The following TMCO1 variants were observed in gnomAD, a reference collection of about 807,000 sequenced individuals.
TMCO1 encodes transmembrane and coiled-coil domains 1, also known as calcium load-activated calcium channel.
TMCO1 carries 29 observed loss-of-function variants against 29.3 expected under a neutral mutation model. The ratio of observed to expected loss-of-function variants is 0.99; its 90% CI spans 0.74 to 1.35. The LOEUF (loss-of-function observed/expected upper bound fraction) is 1.35. Among genes scored for constraint, TMCO1 ranks in the 40% most tolerant of loss-of-function variants. The probability of loss-of-function intolerance (pLI) is 0.00; values close to 1 mark genes in which losing one functional copy is unlikely to be tolerated. For missense variants in TMCO1, 173 were observed against 225.5 expected (o/e 0.77, Z 1.49); for synonymous variants, 80 against 77.1 (o/e 1.04, Z -0.20).
At chr1:165,747,227 C>G (rs776513219) in intron 5 of TMCO1, among the ~76,000 whole-genome samples, 56 of 136,492 alleles carry the variant, frequency 4.1e-4, no homozygotes, top group Non-Finnish European at 7.1e-4. Context: ...TGCCACTGCA[C>G]TCTAGCCTGG....
At chr1:165,760,257 G>A (rs1057496251) in intron 2 of TMCO1, among the ~76,000 whole-genome samples, 2 of 151,650 alleles carry the variant, frequency 1.3e-5, no homozygotes, top group East Asian at 1.9e-4. Context: ...GTGAAACCCC[G>A]TCTCTACTAA....
At chr1:165,725,699 G>C (rs778234674), downstream of TMCO1, 3 of 453,994 alleles carry the variant, frequency 6.6e-6, no homozygotes, top group South Asian at 3.1e-5. Context: ...CAAATAACTA[G>C]TCTTGAAATT....
At chr1:165,763,162 T>A (rs1180821470) in intron 2 of TMCO1, among the ~76,000 whole-genome samples, 2 of 152,210 alleles carry the variant, frequency 1.3e-5, no homozygotes, top group Non-Finnish European at 2.9e-5. Flanking sequence ...TTGATATTCT[T>A]CAAAAACCCT....
Position 165,727,176 on chromosome 1 carries a change from A to G in TMCO1, c.*847T>C, listed in dbSNP as rs1202021279. Reference sequence around the variant, plus strand: ...GGAAGCTCTGCGAGATTAACAACATATAACTATAACCTTGTCTCCAAGGGA... The same window carrying G: ...GGAAGCTCTGCGAGATTAACAACATGTAACTATAACCTTGTCTCCAAGGGA... On this transcript the variant is annotated 3_prime_UTR_variant, in exon 7 of 7. Transcript: ENST00000367881. The G allele has an allele frequency of 8.8e-6, 4 of 454,004 alleles. No individual in the cohort carries two copies. Among genetic ancestry groups the G allele is most frequent in the Middle Eastern group, 6.8e-4 (1 of 1,466 alleles). 28.1% of individuals were successfully genotyped at this position (454,004 alleles called of 1,614,324 possible).
chr1:165,765,325 C>A (rs1652529203), intron 2 of TMCO1, among the ~76,000 whole-genome samples: 1 of 152,128 alleles, frequency 6.6e-6, no homozygotes, highest in Admixed American at 6.6e-5. Context: ...GCACTGTTGG[C>A]CAAGCTGGAG....
At position 165,743,149 on chromosome 1, in the gene TMCO1, G is replaced by A; in HGVS notation, c.468+18C>T. 6.2e-7 allele frequency: 1 copy of A among 1,613,504 alleles called. No individual in the cohort carries two copies. Among genetic ancestry groups the A allele is most frequent in the African/African-American group, 1.3e-5 (1 of 75,006 alleles). On this transcript the variant is annotated intron_variant, in intron 6 of 6. Transcript: ENST00000367881. Reference sequence around the variant, plus strand: ...CAAGGAAAAATATACATATTAAATGGTAGATGTGATCACTCACCTGTCGAA... The same window carrying A: ...CAAGGAAAAATATACATATTAAATGATAGATGTGATCACTCACCTGTCGAA...
rs1184954739 is a variant in TMCO1, at chr1:165,727,312, T to C, written c.*711A>G. 3 of 452,778 alleles carry C rather than the reference T, an allele frequency of 6.6e-6. No homozygotes were observed. In the East Asian group the frequency reaches 2.1e-4, roughly 32 times the overall value. The allele number at this position is 452,778 out of a possible 1,614,324, so 28.0% of individuals were successfully genotyped here. A position where few individuals can be genotyped will look rare whatever the true frequency, so the allele number is the denominator to read the frequency against. On this transcript the variant is annotated 3_prime_UTR_variant, in exon 7 of 7. Coordinates refer to ENST00000367881, the MANE Select transcript of TMCO1 (RefSeq NM_019026.6). ...TTTATATTTAATTTTTTTTCAGACA[T>C]CAGTGTTACTTGCCAAGACCCTCAT... is the stretch of plus-strand genomic sequence containing the variant.
Position 165,727,361 on chromosome 1 carries a change from C to A in TMCO1, c.*662G>T. ...ATTTTTAAACTCCAACGAGTTATTA[C>A]GTTCCTTTCCACTCTTGCTTTCCAA... On this transcript the variant is annotated 3_prime_UTR_variant, in exon 7 of 7. Transcript: ENST00000367881. 1 of 453,900 alleles carries A rather than the reference C, an allele frequency of 2.2e-6. No individual in the cohort carries two copies. Among genetic ancestry groups the A allele is most frequent in the Non-Finnish European group, 4.4e-6 (1 of 226,746 alleles). 28.1% of individuals were successfully genotyped at this position (453,900 alleles called of 1,614,324 possible).
chr1:165,748,547 G>C (rs1464261838), intron 5 of TMCO1, among the ~76,000 whole-genome samples: 1 of 152,122 alleles, frequency 6.6e-6, no homozygotes, highest in Non-Finnish European at 1.5e-5. Flanking sequence ...ATTTGGGACA[G>C]GACAGATATG....
intron 6 of TMCO1, among the ~76,000 whole-genome samples, chr1:165,732,898 G>A (rs930876994): frequency 2.6e-5 from 4 of 151,984 alleles, no homozygotes; most frequent in Admixed American, 1.3e-4. Context: ...TTGAAATACT[G>A]CTAAATGGAA....
intron 3 of TMCO1, among the ~76,000 whole-genome samples, chr1:165,758,449 G>C (rs781420828): frequency 2.0e-5 from 3 of 151,848 alleles, no homozygotes; most frequent in Non-Finnish European, 4.4e-5. Context: ...CCACCTACTC[G>C]TGAGGCTGAG....
chr1:165,738,711 G>C (rs1571214555), intron 6 of TMCO1, among the ~76,000 whole-genome samples: 1 of 152,266 alleles, frequency 6.6e-6, no homozygotes, highest in East Asian at 1.9e-4. Context: ...AAAGTATAAA[G>C]GTAGGTGACT....
At chr1:165,724,414 C>G (rs1650767353), downstream of TMCO1, 1 of 454,042 alleles carries the variant, frequency 2.2e-6, no homozygotes, top group Non-Finnish European at 4.4e-6. Flanking sequence ...AAGAAAAACT[C>G]TACAAGGTAA....
intron 5 of TMCO1, among the ~76,000 whole-genome samples, chr1:165,751,700 G>A (rs570719415): frequency 8.0e-5 from 12 of 149,442 alleles, no homozygotes; most frequent in Middle Eastern, 3.4e-3. Flanking sequence ...GCAAGACTCC[G>A]TCTCAAAAAA....
At chr1:165,744,527 C>T (rs1271550066) in intron 5 of TMCO1, among the ~76,000 whole-genome samples, 1 of 152,070 alleles carries the variant, frequency 6.6e-6, no homozygotes, top group Non-Finnish European at 1.5e-5. Flanking sequence ...CACGGTGGCT[C>T]ACACCTGTAA....
chr1:165,731,290 G>C (rs568374959), intron 6 of TMCO1, among the ~76,000 whole-genome samples: 68 of 152,296 alleles, frequency 4.5e-4, no homozygotes, highest in African/African-American at 1.5e-3. Flanking sequence ...GATGTCACTA[G>C]TTTGCAATTT....
intron 1 of TMCO1, 49 bp downstream of exon 1, chr1:165,768,633 C>T: frequency 6.2e-7 from 1 of 1,613,692 alleles, no homozygotes; most frequent in Non-Finnish European, 8.5e-7. Flanking sequence ...GACCCCGGGG[C>T]CCTTCCTCCC....
At chr1:165,750,552 A>AG (rs1651956807) in intron 5 of TMCO1, among the ~76,000 whole-genome samples, 1 of 148,962 alleles carries the variant, frequency 6.7e-6, no homozygotes, top group Non-Finnish European at 1.5e-5. Flanking sequence ...AAAAAAAAAA[A>AG]GAAAAAAAAA....
downstream of TMCO1, chr1:165,724,369 G>GA (rs1650766037): frequency 2.2e-6 from 1 of 454,052 alleles, no homozygotes; most frequent in South Asian, 1.6e-5. Flanking sequence ...CCAATAGTAT[G>GA]AAAAAACCAG....
Sources: gnomAD v4.1 joint callset for allele counts (sites outside exome capture counted in the v4.1 genomes callset) on GRCh38, gnomAD v4.1.1 for gene constraint, MANE v1.5 for transcripts, NCBI Gene and HGNC (gene_info 2026-07-23, HGNC 2026-07-21) for gene names.